SEMA5A: variants seen among roughly 807,000 people sequenced by gnomAD.
The protein encoded by SEMA5A is semaphorin 5A, also known as semaphorin-5A.
In SEMA5A, 55 loss-of-function variants were observed where a neutral mutation model predicts 135.5. The observed-to-expected ratio is 0.41, with a 90% CI of 0.33 to 0.51. The LOEUF is 0.51. SEMA5A is among the 20% of genes least tolerant of loss of function. SEMA5A has a pLI of 0.37. For synonymous variants in SEMA5A, 580 were observed against 546.5 expected (o/e 1.06, Z -0.85); for missense variants, 1,290 against 1,419.9 (o/e 0.91, Z 1.47).
At chr5:9,491,927 C>A (rs1056343456) in intron 1 of SEMA5A, among the ~76,000 whole-genome samples, 1 of 152,206 alleles carries the variant, frequency 6.6e-6, no homozygotes, top group African/African-American at 2.4e-5. Flanking sequence ...CAGACAAACA[C>A]AACTTGCCAC....
At chr5:9,287,216 C>A (rs1476424731) in intron 5 of SEMA5A, among the ~76,000 whole-genome samples, 1 of 152,206 alleles carries the variant, frequency 6.6e-6, no homozygotes, top group Admixed American at 6.5e-5. Context: ...TTAACCCAGG[C>A]AGCAGCATGA....
In SEMA5A at chr5:9,545,120, A is replaced by G. The variant is rs1289146295; in HGVS notation, c.-175+464T>C. Among the ~76,000 whole-genome samples, 1 of 152,120 alleles carries G rather than the reference A, an allele frequency of 6.6e-6. No individual in the cohort carries two copies. Among genetic ancestry groups the G allele is most frequent in the African/African-American group, 2.4e-5 (1 of 41,450 alleles). On this transcript the variant is annotated intron_variant, in intron 1 of 22. Transcript: ENST00000382496. This position sits in a 1 kb window ranked among gnomAD's most constrained non-coding sequence, Gnocchi z 4.5. ...CGGTTCCCCTGTAAGGAAAGCAGGAAAACCTGCCCAAGCCGGTGGGGCTGC... is the reference window on the plus strand; with the variant it reads ...CGGTTCCCCTGTAAGGAAAGCAGGAGAACCTGCCCAAGCCGGTGGGGCTGC...
At chr5:9,500,564 T>C (rs181025668) in intron 1 of SEMA5A, among the ~76,000 whole-genome samples, 20 of 152,302 alleles carry the variant, frequency 1.3e-4, no homozygotes, top group African/African-American at 4.8e-4. Flanking sequence ...TGATCCATGC[T>C]GATGTCACAC....
chr5:9,444,986 T>G (rs888115393), intron 1 of SEMA5A, among the ~76,000 whole-genome samples: 1 of 152,152 alleles, frequency 6.6e-6, no homozygotes, highest in East Asian at 1.9e-4. Flanking sequence ...ATTAGAGACC[T>G]TACACAAAAT....
At chr5:9,324,358 G>A (rs1267760410) in intron 4 of SEMA5A, among the ~76,000 whole-genome samples, 1 of 152,172 alleles carries the variant, frequency 6.6e-6, no homozygotes, top group Non-Finnish European at 1.5e-5. Context: ...GTGAGCCACC[G>A]TGCCTGGCCT....
chr5:9,374,266 A>G (rs1222795061), intron 3 of SEMA5A, among the ~76,000 whole-genome samples: 1 of 73,458 alleles, frequency 1.4e-5, no homozygotes, highest in Non-Finnish European at 3.3e-5. Context: ...AGAGGCTGGA[A>G]AAAAAAAAAG....
chr5:9,275,427 T>TC (rs1168397034), intron 5 of SEMA5A, among the ~76,000 whole-genome samples: 1 of 152,146 alleles, frequency 6.6e-6, no homozygotes, highest in African/African-American at 2.4e-5. Context: ...GTACCATTCC[T>TC]TCTAAAACTA....
intron 11 of SEMA5A, among the ~76,000 whole-genome samples, chr5:9,163,959 C>T (rs1743439627): frequency 1.4e-5 from 2 of 141,614 alleles, no homozygotes; most frequent in South Asian, 4.3e-4. Context: ...TATGGCAGTC[C>T]CAGCAATATT....
chr5:9,486,406 C>T (rs1331030481), intron 1 of SEMA5A, among the ~76,000 whole-genome samples: 6 of 152,112 alleles, frequency 3.9e-5, no homozygotes, highest in African/African-American at 1.4e-4. Context: ...CGAACCTGCA[C>T]GTTCTGCACA....
chr5:9,228,976 A>G (rs1396799784), intron 6 of SEMA5A, among the ~76,000 whole-genome samples: 1 of 152,184 alleles, frequency 6.6e-6, no homozygotes, highest in East Asian at 1.9e-4. Context: ...TCTTTACTAG[A>G]GACAGGGTTC....
At chr5:9,252,985 T>C (rs1748881047) in intron 5 of SEMA5A, among the ~76,000 whole-genome samples, 1 of 152,202 alleles carries the variant, frequency 6.6e-6, no homozygotes, top group Non-Finnish European at 1.5e-5. Context: ...ACTATCCCCC[T>C]ACTCTCCTCT....
At chr5:9,220,119 T>C (rs1427909923) in intron 8 of SEMA5A, among the ~76,000 whole-genome samples, 2 of 152,174 alleles carry the variant, frequency 1.3e-5, no homozygotes, top group Admixed American at 1.3e-4. Flanking sequence ...AAACCAAATA[T>C]CGTGTGTTCT....
chr5:9,162,683 A>T (rs1743360397), intron 11 of SEMA5A, among the ~76,000 whole-genome samples: 1 of 151,250 alleles, frequency 6.6e-6, no homozygotes, highest in Non-Finnish European at 1.5e-5. Context: ...ACTATGAGTG[A>T]TCCTACTGAT....
intron 3 of SEMA5A, among the ~76,000 whole-genome samples, chr5:9,346,928 A>ATG (rs573321808): frequency 1.6e-3 from 240 of 150,730 alleles, no homozygotes; most frequent in African/African-American, 5.5e-3. Flanking sequence ...ATATATATAT[A>ATG]TGTATTTGCC....
At chr5:9,350,171 A>C (rs954889917) in intron 3 of SEMA5A, among the ~76,000 whole-genome samples, 2 of 152,200 alleles carry the variant, frequency 1.3e-5, no homozygotes, top group Non-Finnish European at 1.5e-5. Flanking sequence ...ACCAGCTGCC[A>C]TAGAGGTCAG....
rs1057015686 is a variant in SEMA5A at position 9,050,412 on chromosome 5, C to T, written c.2891G>A (p.Gly964Glu). The T allele has an allele frequency of 1.6e-5, 25 of 1,611,958 alleles. No individual in the cohort carries two copies. The Admixed American group carries it at 2.5e-4, about 16-fold the overall frequency. The change falls in exon 21 of 23, where the codon GGA becomes GAA. Residue 964 changes from glycine (G) to glutamate (E), a missense_variant and splice_region_variant. Gly to Glu is a moderately conservative substitution (Grantham distance 98). Transcript: ENST00000382496. Reference sequence around the variant, plus strand: ...ACTACTTAAAAGGAATAACGTACCTCCACACCTTTTCTCTTCTACGCTACT... The same window carrying T: ...ACTACTTAAAAGGAATAACGTACCTTCACACCTTTTCTCTTCTACGCTACT... ...RSSSVEEKRC[G>E]EFNMFHMIAV...
At chr5:9,536,080 G>A (rs1216920069) in intron 1 of SEMA5A, among the ~76,000 whole-genome samples, 1 of 152,184 alleles carries the variant, frequency 6.6e-6, no homozygotes, top group African/African-American at 2.4e-5. Flanking sequence ...GATGCTTACA[G>A]ACACCTGATA....
chr5:9,180,211 C>T (rs1455284203), intron 11 of SEMA5A, among the ~76,000 whole-genome samples: 2 of 152,088 alleles, frequency 1.3e-5, no homozygotes, highest in East Asian at 1.9e-4. Flanking sequence ...GCTCAAAGGC[C>T]CTATTTCCAA....
intron 1 of SEMA5A, among the ~76,000 whole-genome samples, chr5:9,439,611 T>G (rs1200702650): frequency 6.6e-6 from 1 of 152,108 alleles, no homozygotes; most frequent in East Asian, 1.9e-4. Flanking sequence ...AAACCACACC[T>G]GCAGAATATG....
Sources: gnomAD v4.1 joint callset for allele counts (sites outside exome capture counted in the v4.1 genomes callset) on GRCh38, gnomAD v4.1.1 for gene constraint, Gnocchi (gnomAD v3.1) non-coding constraint, MANE v1.5 for transcripts, NCBI Gene and HGNC (gene_info 2026-07-23, HGNC 2026-07-21) for gene names.